Variants in ABLIM1 observed in about 807,000 individuals in gnomAD.
The protein encoded by ABLIM1 is actin-binding LIM protein 1.
A neutral mutation model predicts 107.0 loss-of-function variants in ABLIM1; 40 were observed. The observed-to-expected ratio is 0.37, with a 90% CI of 0.29 to 0.49. The LOEUF (loss-of-function observed/expected upper bound fraction) is 0.49, where lower values mean the gene tolerates loss of function less well. ABLIM1 is among the 20% of genes least tolerant of loss of function. The probability of loss-of-function intolerance (pLI) is 0.97; values close to 1 mark genes in which losing one functional copy is unlikely to be tolerated. For synonymous variants in ABLIM1, 357 were observed against 357.3 expected (o/e 1.00, Z 0.01); for missense variants, 857 against 1,008.5 (o/e 0.85, Z 2.04).
intron 6 of ABLIM1, among the ~76,000 whole-genome samples, chr10:114,525,632 T>C (rs929454367): frequency 6.6e-6 from 1 of 152,256 alleles, no homozygotes; most frequent in Admixed American, 6.5e-5. Flanking sequence ...GCAACAATTA[T>C]ATTTTAATGA....
upstream of ABLIM1, among the ~76,000 whole-genome samples, chr10:114,769,479 G>GAAAGAAAGAA: frequency 8.1e-6 from 1 of 123,930 alleles, no homozygotes; most frequent in East Asian, 2.3e-4. Context: ...AAGAAAGAAA[G>GAAAGAAAGAA]AGAAAGAAAG....
chr10:114,491,012 G>GTATGTATATATATA (rs1555092305), intron 7 of ABLIM1, among the ~76,000 whole-genome samples: 4 of 92,396 alleles, frequency 4.3e-5, no homozygotes, highest in African/African-American at 1.4e-4. Context: ...GTGTGTGTGT[G>GTATGTATATATATA]TATATATATA....
chr10:114,559,455 A>G (rs796067373), intron 4 of ABLIM1, among the ~76,000 whole-genome samples: 1 of 82,286 alleles, frequency 1.2e-5, no homozygotes, highest in Admixed American at 1.3e-4. Context: ...AAAAAAAAAA[A>G]AAAAAAAGAA....
intron 1 of ABLIM1, chr10:114,690,548 C>T: frequency 8.1e-7 from 1 of 1,232,384 alleles, no homozygotes; most frequent in Non-Finnish European, 1.2e-6. Context: ...TTTCTGCTGT[C>T]TTTGGAAACT....
At chr10:114,491,012 G>GTATATATATATATATATATATATA (rs71473045) in intron 7 of ABLIM1, among the ~76,000 whole-genome samples, 11 of 92,370 alleles carry the variant, frequency 1.2e-4, no homozygotes, top group Middle Eastern at 5.7e-3. Flanking sequence ...GTGTGTGTGT[G>GTATATATATATATATATATATATA]TATATATATA....
At chr10:114,687,557 T>C (rs150173331), upstream of ABLIM1, among the ~76,000 whole-genome samples, 370 of 152,332 alleles carry the variant, frequency 2.4e-3, no homozygotes, top group African/African-American at 8.5e-3. Context: ...GTAACACAGA[T>C]GCTGCTGTGT....
In ABLIM1 at chr10:114,510,656, A is replaced by ATT. The variant is rs199711033; in HGVS notation, c.895-18780_895-18779dup. ...GATTTTATTTTTATTTTATTTTATT[A>ATT]TTTTTTTTTTTGAGACAAGGTCTCA... On this transcript the variant is annotated intron_variant, in intron 6 of 22. Transcript: ENST00000533213. Among the ~76,000 whole-genome samples, 3 of 97,126 alleles carry ATT rather than the reference A, an allele frequency of 3.1e-5. No homozygotes were observed. In the East Asian group the frequency reaches 9.9e-4, roughly 32 times the overall value. 63.7% of individuals were successfully genotyped at this position (97,126 alleles called of 152,430 possible).
At chr10:114,626,171 C>T (rs1239772561) in intron 1 of ABLIM1, among the ~76,000 whole-genome samples, 1 of 152,008 alleles carries the variant, frequency 6.6e-6, no homozygotes, top group Non-Finnish European at 1.5e-5. Flanking sequence ...GGGTGTAGGT[C>T]ACATTTGAGA....
At chr10:114,589,363 T>G (rs1336519193) in intron 2 of ABLIM1, among the ~76,000 whole-genome samples, 3 of 151,488 alleles carry the variant, frequency 2.0e-5, no homozygotes, top group Non-Finnish European at 2.9e-5. Context: ...AACCCGTCTC[T>G]CCTAAAAATA....
At chr10:114,460,962 C>T (rs919747815) in intron 12 of ABLIM1, among the ~76,000 whole-genome samples, 1 of 152,170 alleles carries the variant, frequency 6.6e-6, no homozygotes, top group African/African-American at 2.4e-5. Context: ...TATCTCTCTA[C>T]AAGTTAAAAC....
upstream of ABLIM1, among the ~76,000 whole-genome samples, chr10:114,686,300 G>A (rs956114471): frequency 6.6e-5 from 10 of 151,838 alleles, no homozygotes; most frequent in Admixed American, 2.6e-4. Flanking sequence ...TTTGAGCTCT[G>A]GAATTTCAGA....
intron 1 of ABLIM1, among the ~76,000 whole-genome samples, chr10:114,611,411 T>C (rs1037218624): frequency 6.6e-6 from 1 of 151,290 alleles, no homozygotes; most frequent in Non-Finnish European, 1.5e-5. Flanking sequence ...AGGCAGAGGT[T>C]GCTGAGCTGA....
the ABLIM1 span, among the ~76,000 whole-genome samples, chr10:114,799,447 T>C: frequency 6.6e-6 from 1 of 152,202 alleles, no homozygotes; most frequent in Non-Finnish European, 1.5e-5. Context: ...GGATATCTAA[T>C]AGGCATCTGA....
intron 12 of ABLIM1, among the ~76,000 whole-genome samples, chr10:114,455,163 C>T (rs1173219733): frequency 7.3e-6 from 1 of 137,146 alleles, no homozygotes; most frequent in Admixed American, 7.3e-5. Context: ...TTTAAGTAAC[C>T]AGAGTACAGA....
intron 1 of ABLIM1, among the ~76,000 whole-genome samples, chr10:114,740,949 C>T (rs1038160118): frequency 1.3e-5 from 2 of 151,274 alleles, no homozygotes; most frequent in African/African-American, 2.4e-5. Context: ...AGGAGAATAG[C>T]TTGAACCTAG....
chr10:114,695,012 C>T (rs1411447730), intron 1 of ABLIM1, among the ~76,000 whole-genome samples: 1 of 152,074 alleles, frequency 6.6e-6, no homozygotes, highest in South Asian at 2.1e-4. Context: ...ACAAGATTTC[C>T]GGGGAATTTA....
chr10:114,615,765 C>T (rs1405276219), intron 1 of ABLIM1, among the ~76,000 whole-genome samples: 1 of 151,900 alleles, frequency 6.6e-6, no homozygotes, highest in Non-Finnish European at 1.5e-5. Context: ...GATGTCAATA[C>T]CACTCAACCG....
chr10:114,569,325 T>TC, intron 4 of ABLIM1, among the ~76,000 whole-genome samples: 1 of 152,050 alleles, frequency 6.6e-6, no homozygotes, highest in South Asian at 2.1e-4. Context: ...TTTTTCTTTT[T>TC]TTTTTTTCTT....
intron 1 of ABLIM1, among the ~76,000 whole-genome samples, chr10:114,737,911 G>A (rs1373940353): frequency 6.6e-6 from 1 of 152,030 alleles, no homozygotes; most frequent in Non-Finnish European, 1.5e-5. Flanking sequence ...CTGGATGATG[G>A]ATATATGGAT....
Sources: gnomAD v4.1 joint callset for allele counts (sites outside exome capture counted in the v4.1 genomes callset) on GRCh38, gnomAD v4.1.1 for gene constraint, MANE v1.5 for transcripts, NCBI Gene and HGNC (gene_info 2026-07-23, HGNC 2026-07-21) for gene names.